Variants in NAV3 observed in about 807,000 individuals in gnomAD.
The protein encoded by NAV3 is neuron navigator 3.
In NAV3, 87 loss-of-function variants were observed where a neutral mutation model predicts 244.7. That is an observed-to-expected ratio of 0.36 (90% CI 0.30 to 0.42). The LOEUF (loss-of-function observed/expected upper bound fraction) is 0.42. Ranked by LOEUF, NAV3 falls within the 20% of genes least tolerant of loss-of-function variation. The probability of loss-of-function intolerance (pLI) is 1.00; values close to 1 mark genes in which losing one functional copy is unlikely to be tolerated. For missense variants in NAV3, 2,663 were observed against 2,893.3 expected (o/e 0.92, Z 1.83); for synonymous variants, 1,126 against 1,042.2 (o/e 1.08, Z -1.55).
At chr12:78,160,810 A>G (rs1490580860) in intron 23 of NAV3, among the ~76,000 whole-genome samples, 1 of 151,934 alleles carries the variant, frequency 6.6e-6, no homozygotes, top group East Asian at 1.9e-4. Flanking sequence ...AGCACAGCTA[A>G]CAAACTCCTT....
chr12:77,758,719 TA>T (rs1174688536), intron 2 of NAV3, among the ~76,000 whole-genome samples: 4 of 152,204 alleles, frequency 2.6e-5, no homozygotes, highest in African/African-American at 9.7e-5. Flanking sequence ...GTTTAAAATA[TA>T]AAATACACTT....
intron 8 of NAV3, among the ~76,000 whole-genome samples, chr12:78,010,555 A>C (rs1875090322): frequency 6.6e-6 from 1 of 152,156 alleles, no homozygotes; most frequent in Admixed American, 6.6e-5. Flanking sequence ...TAATCTCTTC[A>C]GATCATAAAG....
intron 6 of NAV3, 73 bp downstream of exon 6, chr12:77,994,944 C>CTT: frequency 2.1e-4 from 197 of 944,388 alleles, no homozygotes; most frequent in South Asian, 3.9e-4. Flanking sequence ...TTTGTCCTAT[C>CTT]TTTTTTTTTT....
Position 77,831,348 on chromosome 12 carries a change from G to T in NAV3, c.-114G>T. On this transcript the variant is annotated 5_prime_UTR_variant, in exon 1 of 40. Transcript: ENST00000397909. ...ATATTATTAGCTTTTTAAAAATCAG[G>T]ATGACTGCTAGTTTTGTTTAAAGTA... is the stretch of plus-strand genomic sequence containing the variant. 1 of 1,100,038 alleles carries T rather than the reference G, an allele frequency of 9.1e-7. No individual in the cohort carries two copies. Among genetic ancestry groups the T allele is most frequent in the Non-Finnish European group, 1.2e-6 (1 of 807,030 alleles). The allele number at this position is 1,100,038 out of a possible 1,614,324, so 68.1% of individuals were successfully genotyped here.
At chr12:78,000,292 G>A (rs1873025556) in intron 7 of NAV3, among the ~76,000 whole-genome samples, 1 of 151,910 alleles carries the variant, frequency 6.6e-6, no homozygotes, top group African/African-American at 2.4e-5. Context: ...CATTTTCTTA[G>A]ACAAGAGTTT....
chr12:77,887,454 G>C (rs1883424883), intron 1 of NAV3, among the ~76,000 whole-genome samples: 2 of 152,192 alleles, frequency 1.3e-5, no homozygotes, highest in Admixed American at 1.3e-4. Flanking sequence ...AATATGATTA[G>C]GGCTGGGGTT....
chr12:78,128,885 T>C lies in NAV3; in HGVS notation c.4441+19T>C, dbSNP rs1180412398. On this transcript the variant is annotated intron_variant, in intron 18 of 39. Coordinates refer to ENST00000397909, the MANE Select transcript of NAV3 (RefSeq NM_001024383.2). ...AACTTGGGTAAAATATTCTAAAATATTGATTTTGTTTTGTTTCTTTCACCA... is the reference window on the plus strand; with the variant it reads ...AACTTGGGTAAAATATTCTAAAATACTGATTTTGTTTTGTTTCTTTCACCA... 8.1e-6 allele frequency: 13 copies of C among 1,608,814 alleles called. No homozygotes were observed. The Admixed American group carries it at 8.4e-5, about 10-fold the overall frequency.
intron 16 of NAV3, among the ~76,000 whole-genome samples, chr12:78,125,955 C>T (rs1460330599): frequency 2.0e-5 from 3 of 152,192 alleles, no homozygotes; most frequent in African/African-American, 7.2e-5. Flanking sequence ...ATAAATAATC[C>T]TTAAAATGAC....
At chr12:77,621,477 CTT>C (rs1217567447) in intron 2 of NAV3, among the ~76,000 whole-genome samples, 33 of 134,956 alleles carry the variant, frequency 2.4e-4, no homozygotes, top group Admixed American at 3.0e-4. Context: ...TTTCTCTTCT[CTT>C]TTTTTTTTTT....
At position 78,119,417 on chromosome 12, in the gene NAV3, G is replaced by C. The variant is rs2138609150; in HGVS notation, c.3221G>C (p.Gly1074Ala). The C allele has an allele frequency of 6.2e-7, 1 of 1,614,148 alleles. No homozygotes were observed. The highest frequency in any genetic ancestry group is 8.5e-7 in the Non-Finnish European group (1 of 1,180,028). ...GGCTTTAAGAAACCAAGTGGAGTAG[G>C]GTCATCTGCCATGATCACCAGCAGT... ...SFGFKKPSGV[G>A]SSAMITSSGA... Residue 1074 changes from glycine to alanine, a missense_variant, in exon 15 of 40, where the codon GGG (glycine) becomes GCG (alanine). Transcript: ENST00000397909.
At chr12:78,020,844 G>GA (rs946976284) in intron 8 of NAV3, among the ~76,000 whole-genome samples, 19 of 149,582 alleles carry the variant, frequency 1.3e-4, no homozygotes, top group South Asian at 2.1e-4. Flanking sequence ...CCTACTACCA[G>GA]AAAAAAAAAG....
At chr12:77,646,088 G>A (rs184028586) in intron 2 of NAV3, among the ~76,000 whole-genome samples, 14 of 152,188 alleles carry the variant, frequency 9.2e-5, no homozygotes, top group African/African-American at 3.4e-4. Context: ...GAGCTTCATG[G>A]ACAAACGTCT....
intron 2 of NAV3, among the ~76,000 whole-genome samples, chr12:77,799,423 T>A (rs1465543277): frequency 6.6e-6 from 1 of 152,210 alleles, no homozygotes; most frequent in Non-Finnish European, 1.5e-5. Flanking sequence ...ACTTCCTTAT[T>A]TAGAATTATT....
At chr12:78,160,440 G>T (rs1957493887) in intron 23 of NAV3, among the ~76,000 whole-genome samples, 1 of 144,568 alleles carries the variant, frequency 6.9e-6, no homozygotes, top group Non-Finnish European at 1.5e-5. Context: ...AACTGTAAAT[G>T]TGCATAAATG....
chr12:77,898,187 ATGATT>A (rs1884852084), intron 1 of NAV3, among the ~76,000 whole-genome samples: 1 of 152,222 alleles, frequency 6.6e-6, no homozygotes, highest in African/African-American at 2.4e-5. Context: ...ATATTATATC[ATGATT>A]TCCGTCCCAA....
intron 5 of NAV3, among the ~76,000 whole-genome samples, chr12:77,975,294 G>A (rs937151552): frequency 2.0e-5 from 3 of 152,110 alleles, no homozygotes; most frequent in African/African-American, 7.2e-5. Context: ...TAAGCACGTA[G>A]TATGTTCTAG....
chr12:77,813,822 A>G (rs1872410672), intron 2 of NAV3, among the ~76,000 whole-genome samples: 1 of 152,176 alleles, frequency 6.6e-6, no homozygotes, highest in Non-Finnish European at 1.5e-5. Context: ...TATTTTAGTG[A>G]AGAGTGGCAC....
At chr12:77,653,358 A>G (rs117917228) in intron 2 of NAV3, among the ~76,000 whole-genome samples, 3,778 of 152,328 alleles carry the variant, frequency 0.025, 61 homozygotes, top group Middle Eastern at 0.082. Context: ...AGAACCCTAA[A>G]GAAAAAGATA....
At chr12:77,908,322 G>A (rs781245740) in intron 1 of NAV3, among the ~76,000 whole-genome samples, 16 of 152,012 alleles carry the variant, frequency 1.1e-4, no homozygotes, top group Non-Finnish European at 1.0e-4. Context: ...TATTGGAGCT[G>A]ACATATGGTT....
Sources: allele counts gnomAD v4.1 joint callset (sites outside exome capture counted in the v4.1 genomes callset), GRCh38; gene constraint gnomAD v4.1.1; transcripts MANE v1.5; gene names NCBI Gene and HGNC (gene_info 2026-07-23, HGNC 2026-07-21).